Variants in CYP4A11 observed in about 807,000 individuals in gnomAD.
The protein encoded by CYP4A11 is cytochrome P450 family 4 subfamily A member 11.
A neutral mutation model predicts 57.7 loss-of-function variants in CYP4A11; 52 were observed. The ratio of observed to expected loss-of-function variants is 0.90; its 90% CI spans 0.72 to 1.14. The LOEUF (loss-of-function observed/expected upper bound fraction) is 1.14, where lower values mean the gene tolerates loss of function less well. CYP4A11 is among the 50% of genes most tolerant of loss of function. The pLI is 0.00. For missense variants in CYP4A11, 641 were observed against 642.1 expected (o/e 1.00, Z 0.02); for synonymous variants, 228 against 247.1 (o/e 0.92, Z 0.72).
chr1:46,938,044 C>T lies in CYP4A11; in HGVS notation c.289G>A (p.Val97Ile), dbSNP rs1205779590. 1.9e-6 allele frequency: 3 copies of T among 1,614,064 alleles called. No individual in the cohort carries two copies. The highest frequency in any genetic ancestry group is 1.7e-5 in the Admixed American group (1 of 59,998). ...PHWLWGGKVRVQLYDPDYMKV... is the reference protein window; with the variant it reads ...PHWLWGGKVRIQLYDPDYMKV... ...ATATAGTCAGGGTCATAGAGCTGGA[C>T]ACGAACTTTGCCTCCCCATAGCCAA... Residue 97 changes from valine to isoleucine, a missense_variant, in exon 2 of 12, where the codon GTC (valine) becomes ATC (isoleucine). By Grantham distance (29) the Val-to-Ile change is conservative (BLOSUM62 3). Coordinates refer to ENST00000310638, the MANE Select transcript of CYP4A11 (RefSeq NM_000778.4).
intron 1 of CYP4A11, among the ~76,000 whole-genome samples, chr1:46,939,526 C>G (rs1042358110): frequency 6.6e-6 from 1 of 152,184 alleles, no homozygotes; most frequent in African/African-American, 2.4e-5. Flanking sequence ...TCATCATTTA[C>G]TGAGGGACTA....
chr1:46,937,907 A>G lies in CYP4A11; in HGVS notation c.337+89T>C, dbSNP rs1248689205. On this transcript the variant is annotated intron_variant, in intron 2 of 11. Coordinates refer to ENST00000310638, the MANE Select transcript of CYP4A11 (RefSeq NM_000778.4). ...AGAGGTTTCAGATATTGATGTTTGAACAGCCACTCTCTTCTGGAATTTTAC... is the reference window on the plus strand; with the variant it reads ...AGAGGTTTCAGATATTGATGTTTGAGCAGCCACTCTCTTCTGGAATTTTAC... 21 of 1,567,968 alleles carry G rather than the reference A, an allele frequency of 1.3e-5. No individual in the cohort carries two copies. The African/African-American group carries it at 1.9e-4, about 14-fold the overall frequency.
At position 46,930,199 on chromosome 1, in the gene CYP4A11, T is replaced by G. The variant is rs1270579805; in HGVS notation, c.1476A>C (p.Ala492=). Residue 492 remains alanine (A), a synonymous_variant, in exon 12 of 12, where the codon GCA becomes GCC. Coordinates refer to ENST00000310638, the MANE Select transcript of CYP4A11 (RefSeq NM_000778.4). The part of the protein sequence containing the change: ...PDPTRIPIPI[A]RLVLKSKNGI... ...CATTTTTGGATTTCAACACAAGTCG[T>G]GCAATGGGGATGGGGATCCTGGTGG... 4 of 1,614,034 alleles carry G rather than the reference T, an allele frequency of 2.5e-6. No homozygotes were observed. Among genetic ancestry groups the G allele is most frequent in the Non-Finnish European group, 3.4e-6 (4 of 1,179,978 alleles).
rs1557559659 is a variant in CYP4A11 at position 46,938,147 on chromosome 1, A to G, written c.196-10T>C. The stretch of plus-strand genomic sequence containing the variant: ...CCTGGTCCTGTTGGAGCTGTCAACA[A>G]GGGTAGACAGATGAACACTTTCATT... On this transcript the variant is annotated splice_polypyrimidine_tract_variant and intron_variant, in intron 1 of 11. Transcript: ENST00000310638. 2 of 1,614,188 alleles carry G rather than the reference A, an allele frequency of 1.2e-6. No homozygotes were observed. Among genetic ancestry groups the G allele is most frequent in the Non-Finnish European group, 1.7e-6 (2 of 1,180,016 alleles).
intron 1 of CYP4A11, among the ~76,000 whole-genome samples, chr1:46,940,091 G>A (rs948909873): frequency 1.8e-4 from 25 of 142,084 alleles, no homozygotes; most frequent in Admixed American, 7.2e-5. Context: ...CCCTCCCCTT[G>A]TAGGGATAGC....
At chr1:46,932,601 A>C in intron 11 of CYP4A11, 160 bp downstream of exon 11, 1 of 1,533,530 alleles carries the variant, frequency 6.5e-7, no homozygotes, top group Non-Finnish European at 8.8e-7. Context: ...CCTTTTGTAC[A>C]CAGAGACGCC....
At chr1:46,934,962 C>T in intron 6 of CYP4A11, 38 bp downstream of exon 6, 1 of 1,602,404 alleles carries the variant, frequency 6.2e-7, no homozygotes, top group Non-Finnish European at 8.5e-7. Flanking sequence ...TTTCGCTGTG[C>T]CTGGGAAAGG....
intron 1 of CYP4A11, among the ~76,000 whole-genome samples, chr1:46,940,282 A>C (rs1681673274): frequency 6.6e-6 from 1 of 152,204 alleles, no homozygotes; most frequent in Admixed American, 6.5e-5. Flanking sequence ...TGATGAACTC[A>C]AAAAAATTGC....
chr1:46,935,761 T>C (rs1272242243), intron 4 of CYP4A11, 114 bp from the exon 5 acceptor site: 2 of 1,523,760 alleles, frequency 1.3e-6, no homozygotes, highest in Non-Finnish European at 1.8e-6. Flanking sequence ...CATGCAGATA[T>C]CTTGGTTGGG....
At chr1:46,935,292 A>G in intron 5 of CYP4A11, 138 bp from the exon 6 acceptor site, 1 of 1,208,008 alleles carries the variant, frequency 8.3e-7, no homozygotes, top group East Asian at 2.4e-5. Context: ...TTACAGCCCT[A>G]TTATCCTTTG....
chr1:46,940,652 G>A, intron 1 of CYP4A11: 1 of 985,250 alleles, frequency 1.0e-6, no homozygotes, highest in Non-Finnish European at 1.2e-6. Flanking sequence ...CACCTGTTGT[G>A]GAAATTCCGT....
Position 46,929,293 on chromosome 1 carries a change from G to A in CYP4A11, c.*822C>T. ...GTATGGGCAGACAGTCTGGAGGGCA[G>A]GCAGGAGTTTGGGAGGTGGGTGGAG... On this transcript the variant is annotated 3_prime_UTR_variant, in exon 12 of 12. Transcript: ENST00000310638. 1 of 152,184 alleles carries A rather than the reference G, an allele frequency of 6.6e-6. No homozygotes were observed. Among genetic ancestry groups the A allele is most frequent in the Non-Finnish European group, 1.5e-5 (1 of 68,050 alleles). The allele number at this position is 152,184 out of a possible 1,614,324, so 9.4% of individuals were successfully genotyped here.
At chr1:46,935,381 C>A in intron 5 of CYP4A11, 142 bp downstream of exon 5, 2 of 1,502,934 alleles carry the variant, frequency 1.3e-6, no homozygotes, top group Non-Finnish European at 1.8e-6. Context: ...TTTGTTTGGT[C>A]TGGACTGGAA....
chr1:46,938,439 T>A (rs1681553055), intron 1 of CYP4A11, among the ~76,000 whole-genome samples: 1 of 152,250 alleles, frequency 6.6e-6, no homozygotes, highest in East Asian at 1.9e-4. Context: ...ATAACTCATA[T>A]TAGTTGATAA....
rs749620894 is a variant in CYP4A11 at position 46,937,331 on chromosome 1, C to G, written c.353G>C (p.Gly118Ala). ...CCATGGAGCCAGGAATCTGTAGGAA[C>G]CATGGGATTTCGGGTCTGAAAGGCA... ...ILGRSDPKSH[G>A]SYRFLAPWIG... Residue 118 changes from glycine (G) to alanine (A), a missense_variant, in exon 3 of 12, where the codon GGT (glycine) becomes GCT (alanine). Physicochemically the swap from Gly to Ala is moderately conservative, Grantham distance 60 (BLOSUM62 0). Coordinates refer to ENST00000310638, the MANE Select transcript of CYP4A11 (RefSeq NM_000778.4). 7.4e-6 allele frequency: 12 copies of G among 1,613,944 alleles called. No individual in the cohort carries two copies. The Admixed American group carries it at 2.0e-4, about 27-fold the overall frequency.
chr1:46,935,377 T>C, intron 5 of CYP4A11, 146 bp downstream of exon 5: 2 of 1,489,514 alleles, frequency 1.3e-6, no homozygotes, highest in Non-Finnish European at 1.8e-6. Flanking sequence ...AGACTTTGTT[T>C]GGTCTGGACT....
At chr1:46,937,879 G>A (rs1440759385) in intron 2 of CYP4A11, 117 bp downstream of exon 2, 30 of 1,480,804 alleles carry the variant, frequency 2.0e-5, no homozygotes, top group Non-Finnish European at 2.6e-5. Context: ...GTGGATGCGT[G>A]GGAGAGGTTT....
intron 6 of CYP4A11, 37 bp from the exon 7 acceptor site, chr1:46,934,596 C>A (rs769788884): frequency 6.4e-7 from 1 of 1,574,142 alleles, no homozygotes; most frequent in Admixed American, 1.8e-5. Flanking sequence ...AGAGCTGAGA[C>A]CGTCAGCAGC....
chr1:46,940,660 C>T (rs1319323888), intron 1 of CYP4A11: 9 of 985,244 alleles, frequency 9.1e-6, no homozygotes, highest in South Asian at 4.7e-5. Context: ...GTGGAAATTC[C>T]GTGAGTCTTG....
Sources: allele counts gnomAD v4.1 joint callset (sites outside exome capture counted in the v4.1 genomes callset), GRCh38; gene constraint gnomAD v4.1.1; transcripts MANE v1.5; gene names NCBI Gene and HGNC (gene_info 2026-07-23, HGNC 2026-07-21).